The following VPS50 variants were observed in gnomAD, a reference collection of about 807,000 sequenced individuals.
The protein encoded by VPS50 is syndetin.
VPS50 carries 70 observed loss-of-function variants against 139.7 expected under a neutral mutation model. The observed-to-expected ratio is 0.50, with a 90% CI of 0.41 to 0.61. The LOEUF (loss-of-function observed/expected upper bound fraction) is 0.61, where lower values mean the gene tolerates loss of function less well. Among genes scored for constraint, VPS50 ranks in the 20% least tolerant of loss-of-function variants. The pLI is 0.00. For missense variants in VPS50, 921 were observed against 1,133.7 expected (o/e 0.81, Z 2.69); for synonymous variants, 365 against 376.7 (o/e 0.97, Z 0.36).
intron 9 of VPS50, among the ~76,000 whole-genome samples, chr7:93,260,925 C>T (rs1234283088): frequency 3.3e-5 from 5 of 151,752 alleles, no homozygotes; most frequent in Non-Finnish European, 5.9e-5. Context: ...CTAACTCCAC[C>T]GCGCCCAGCT....
At chr7:93,340,060 A>G (rs1798171695) in intron 22 of VPS50, among the ~76,000 whole-genome samples, 1 of 152,186 alleles carries the variant, frequency 6.6e-6, no homozygotes, top group South Asian at 2.1e-4. Flanking sequence ...AAAGTTCTTA[A>G]TGGCCTTCAC....
chr7:93,325,359 C>T (rs1453701594), intron 21 of VPS50, among the ~76,000 whole-genome samples: 6 of 151,894 alleles, frequency 4.0e-5, no homozygotes, highest in Non-Finnish European at 5.9e-5. Context: ...AGAAGAAAAC[C>T]TAGGCATTAC....
intron 20 of VPS50, among the ~76,000 whole-genome samples, chr7:93,317,406 C>T (rs977445835): frequency 3.3e-5 from 5 of 152,010 alleles, no homozygotes; most frequent in Non-Finnish European, 7.4e-5. Flanking sequence ...AAAAGTTAGC[C>T]AGATGTGGTG....
At chr7:93,331,036 A>AT (rs1321597719) in intron 21 of VPS50, among the ~76,000 whole-genome samples, 1 of 152,070 alleles carries the variant, frequency 6.6e-6, no homozygotes, top group African/African-American at 2.4e-5. Context: ...TAACATCAAA[A>AT]TTTTTTAGAA....
In VPS50 at chr7:93,314,286, T is replaced by C. The variant is rs532128008; in HGVS notation, c.1855+3014T>C. 9.8e-5 allele frequency among the ~76,000 whole-genome samples: 15 copies of C among 152,308 alleles called. No individual in the cohort carries two copies. In the South Asian group the frequency reaches 2.7e-3, roughly 27 times the overall value. ...TAGAACATTAAAGGCATATTTAAAA[T>C]GTCCTTTTCAAGTAGTATTTACTTG... is the stretch of plus-strand genomic sequence containing the variant. On this transcript the variant is annotated intron_variant, in intron 20 of 27. Transcript: ENST00000305866.
intron 21 of VPS50, among the ~76,000 whole-genome samples, chr7:93,333,266 ATTC>A (rs1454115096): frequency 6.6e-5 from 10 of 152,274 alleles, no homozygotes; most frequent in African/African-American, 2.2e-4. Context: ...ATAATTTCTC[ATTC>A]TTGTATCTCA....
intron 16 of VPS50, among the ~76,000 whole-genome samples, chr7:93,301,442 AC>A (rs1490361801): frequency 6.6e-6 from 1 of 151,916 alleles, no homozygotes; most frequent in Non-Finnish European, 1.5e-5. Flanking sequence ...ACCTTCTCTT[AC>A]CTTTTTGGTG....
Position 93,257,360 on chromosome 7 carries a change from C to T in VPS50, c.352-34C>T, listed in dbSNP as rs773011294. On this transcript the variant is annotated intron_variant, in intron 5 of 27. Coordinates refer to ENST00000305866, the MANE Select transcript of VPS50 (RefSeq NM_017667.4). ...TAAATAAGAAAGAAAAATAAAATAC[C>T]TCCAACAATAACCTGTACCTAATCT... The T allele has an allele frequency of 3.9e-6, 5 of 1,286,646 alleles. No homozygotes were observed. The East Asian group carries it at 9.3e-5, about 24-fold the overall frequency. The allele number at this position is 1,286,646 out of a possible 1,614,324, so 79.7% of individuals were successfully genotyped here.
chr7:93,281,586 T>C (rs943797494), intron 12 of VPS50, among the ~76,000 whole-genome samples: 3 of 152,190 alleles, frequency 2.0e-5, no homozygotes, highest in Non-Finnish European at 4.4e-5. Context: ...TTACCCTTTT[T>C]CTGTTTTCCG....
At chr7:93,266,554 G>C (rs1298041982) in intron 9 of VPS50, among the ~76,000 whole-genome samples, 2 of 152,164 alleles carry the variant, frequency 1.3e-5, no homozygotes, top group African/African-American at 4.8e-5. Context: ...GGTTCTTTAT[G>C]GATAATTTAT....
At chr7:93,240,097 A>G in intron 2 of VPS50, 163 bp downstream of exon 2, 1 of 506,260 alleles carries the variant, frequency 2.0e-6, no homozygotes, top group South Asian at 2.4e-5. Flanking sequence ...GGCTTGTTTC[A>G]TTACACGTTG....
intron 17 of VPS50, among the ~76,000 whole-genome samples, chr7:93,304,304 T>G (rs186694086): frequency 4.6e-4 from 70 of 151,874 alleles, no homozygotes; most frequent in African/African-American, 1.7e-3. Flanking sequence ...TTTCTTATTC[T>G]GGATAAATGT....
At chr7:93,336,131 TAATC>T (rs964730872) in intron 22 of VPS50, among the ~76,000 whole-genome samples, 4 of 152,218 alleles carry the variant, frequency 2.6e-5, no homozygotes, top group African/African-American at 7.2e-5. Context: ...ATTTATAGCT[TAATC>T]AATCTGAAAC....
chr7:93,233,052 G>A (rs1794684689), intron 1 of VPS50, among the ~76,000 whole-genome samples: 1 of 152,186 alleles, frequency 6.6e-6, no homozygotes. Flanking sequence ...GCTAATATAT[G>A]TGAAAACTCT....
intron 16 of VPS50, among the ~76,000 whole-genome samples, chr7:93,302,141 T>C (rs552992261): frequency 5.8e-4 from 89 of 152,338 alleles, no homozygotes; most frequent in Middle Eastern, 3.4e-3. Flanking sequence ...TCAAGTTTTC[T>C]ACTTTTAGTT....
intron 1 of VPS50, among the ~76,000 whole-genome samples, 200 bp downstream of exon 1, chr7:93,232,700 C>T (rs1026076369): frequency 6.6e-6 from 1 of 152,140 alleles, no homozygotes; most frequent in Non-Finnish European, 1.5e-5. Flanking sequence ...GGGTACCAGC[C>T]TCCCAGAAAT....
chr7:93,315,578 T>C (rs1231158260), intron 20 of VPS50, among the ~76,000 whole-genome samples: 1 of 152,220 alleles, frequency 6.6e-6, no homozygotes, highest in Non-Finnish European at 1.5e-5. Flanking sequence ...TCAGCAACAC[T>C]GTGTATCCTC....
rs1186701196 is a variant in VPS50 at position 93,239,847 on chromosome 7, A to C, written c.34-19A>C. ...CTTCAGCATGATTAAAATTTTCCTC[A>C]TCTTATTATTTTTTTAAGGGTCTGA... is the stretch of plus-strand genomic sequence containing the variant. On this transcript the variant is annotated intron_variant, in intron 1 of 27. Transcript: ENST00000305866. 4 of 1,495,284 alleles carry C rather than the reference A, an allele frequency of 2.7e-6. No homozygotes were observed. The highest frequency in any genetic ancestry group is 3.7e-6 in the Non-Finnish European group (4 of 1,074,216). 92.6% of individuals were successfully genotyped at this position (1,495,284 alleles called of 1,614,324 possible).
chr7:93,268,015 G>A (rs1268267297), intron 9 of VPS50, among the ~76,000 whole-genome samples: 1 of 152,148 alleles, frequency 6.6e-6, no homozygotes, highest in African/African-American at 2.4e-5. Context: ...TAAGAGCTGC[G>A]CTCAGATGTC....
Sources: gnomAD v4.1 joint callset for allele counts (sites outside exome capture counted in the v4.1 genomes callset) on GRCh38, gnomAD v4.1.1 for gene constraint, MANE v1.5 for transcripts, NCBI Gene and HGNC (gene_info 2026-07-23, HGNC 2026-07-21) for gene names.